PCDH15: variants seen among roughly 807,000 people sequenced by gnomAD.
PCDH15 encodes the protein protocadherin-15.
In PCDH15, 129 loss-of-function variants were observed where a neutral mutation model predicts 178.5. The ratio of observed to expected loss-of-function variants is 0.72; its 90% CI spans 0.63 to 0.84. The LOEUF (loss-of-function observed/expected upper bound fraction) is 0.84, where lower values mean the gene tolerates loss of function less well. PCDH15 is among the 40% of genes least tolerant of loss of function. PCDH15 has a pLI of 0.00. For missense variants in PCDH15, 2,230 were observed against 2,099.9 expected (o/e 1.06, Z -1.21); for synonymous variants, 800 against 732.0 (o/e 1.09, Z -1.50).
intron 1 of PCDH15, among the ~76,000 whole-genome samples, chr10:54,667,205 C>A (rs927451206): frequency 6.6e-6 from 1 of 151,906 alleles, no homozygotes; most frequent in Non-Finnish European, 1.5e-5. Context: ...TCATCTATAT[C>A]TGCCTGATTT....
chr10:54,335,418 A>G (rs1346496015), intron 6 of PCDH15, among the ~76,000 whole-genome samples: 1 of 152,130 alleles, frequency 6.6e-6, no homozygotes, highest in Non-Finnish European at 1.5e-5. Flanking sequence ...CCTTTCTACA[A>G]TTGATATGGT....
intron 2 of PCDH15, among the ~76,000 whole-genome samples, chr10:54,921,371 T>C (rs1181422631): frequency 1.3e-5 from 2 of 152,166 alleles, no homozygotes; most frequent in East Asian, 3.9e-4. Flanking sequence ...ATGTGAAGGT[T>C]TGTTGTATAG....
intron 13 of PCDH15, among the ~76,000 whole-genome samples, chr10:54,164,710 A>G (rs534403514): frequency 2.1e-4 from 32 of 152,344 alleles, no homozygotes; most frequent in Middle Eastern, 3.4e-3. Context: ...TGCACTAGAT[A>G]TTATAGAAGT....
At chr10:54,236,744 T>C in intron 9 of PCDH15, 79 bp downstream of exon 9, 1 of 1,153,188 alleles carries the variant, frequency 8.7e-7, no homozygotes, top group Non-Finnish European at 1.3e-6. Context: ...TTATTTAAAA[T>C]ATTTCCTTGG....
intron 3 of PCDH15, among the ~76,000 whole-genome samples, chr10:54,816,473 T>G (rs1486912767): frequency 6.6e-6 from 1 of 152,034 alleles, no homozygotes; most frequent in African/African-American, 2.4e-5. Flanking sequence ...CCAACATAAA[T>G]CACAATGTCA....
At chr10:54,808,109 A>C (rs924201928) in intron 3 of PCDH15, among the ~76,000 whole-genome samples, 2 of 152,182 alleles carry the variant, frequency 1.3e-5, no homozygotes. Flanking sequence ...AATGAGACAA[A>C]TCACTGATGT....
At chr10:55,087,965 G>A (rs1050218741) in intron 2 of PCDH15, among the ~76,000 whole-genome samples, 11 of 151,856 alleles carry the variant, frequency 7.2e-5, no homozygotes, top group Admixed American at 2.6e-4. Context: ...CCTTACATGT[G>A]CATCATAATT....
In PCDH15 at chr10:53,827,385, C is replaced by CTACT. The variant is rs2076748483; in HGVS notation, c.4367+4_4367+7dup. On this transcript the variant is annotated splice_region_variant and intron_variant, in intron 32 of 37. Coordinates refer to ENST00000644397, the MANE Select transcript of PCDH15 (RefSeq NM_001384140.1). ...CTACTTCTCAGAGTTCCTGAACGGT[C>CTACT]TACTTACATTGAGCTGTCTCCAAGT... 2 of 1,607,936 alleles carry CTACT rather than the reference C, an allele frequency of 1.2e-6. No homozygotes were observed. The highest frequency in any genetic ancestry group is 1.7e-5 in the Admixed American group (1 of 59,234).
chr10:54,184,327 C>G (rs1346353516), intron 12 of PCDH15, among the ~76,000 whole-genome samples: 1 of 152,038 alleles, frequency 6.6e-6, no homozygotes, highest in African/African-American at 2.4e-5. Flanking sequence ...CTTGTGCTTT[C>G]TCTTAGCTCA....
chr10:54,335,016 T>G (rs1940774415), intron 6 of PCDH15, among the ~76,000 whole-genome samples: 1 of 152,160 alleles, frequency 6.6e-6, no homozygotes, highest in Non-Finnish European at 1.5e-5. Context: ...TAGACAGCCT[T>G]AAGCTTGTCT....
chr10:55,379,513 C>T (rs771325565), intron 2 of PCDH15, among the ~76,000 whole-genome samples: 6 of 151,762 alleles, frequency 4.0e-5, no homozygotes, highest in East Asian at 3.9e-4. Flanking sequence ...TTATAGGTCA[C>T]GAATATCAAT....
At chr10:54,160,289 T>C (rs2045578694) in intron 13 of PCDH15, among the ~76,000 whole-genome samples, 1 of 152,168 alleles carries the variant, frequency 6.6e-6, no homozygotes. Context: ...GAATTTTCCA[T>C]TTAATGTTCT....
chr10:54,808,243 A>T (rs530940746), intron 3 of PCDH15, among the ~76,000 whole-genome samples: 3 of 152,202 alleles, frequency 2.0e-5, no homozygotes, highest in Non-Finnish European at 2.9e-5. Flanking sequence ...AAAATAATTT[A>T]TTCTGTCTGT....
intron 2 of PCDH15, among the ~76,000 whole-genome samples, chr10:55,022,602 A>G (rs1162990755): frequency 1.3e-5 from 2 of 151,964 alleles, no homozygotes; most frequent in Non-Finnish European, 2.9e-5. Context: ...AAAACACACA[A>G]TTTTTTCTGT....
intron 1 of PCDH15, among the ~76,000 whole-genome samples, chr10:54,742,154 T>A (rs1944894433): frequency 6.6e-6 from 1 of 152,112 alleles, no homozygotes; most frequent in African/African-American, 2.4e-5. Flanking sequence ...TATGAGGTCA[T>A]TGACTCTTTA....
In PCDH15 at chr10:54,874,594, C is replaced by T. The variant is rs559661781; in HGVS notation, c.-29+22856G>A. Among the ~76,000 whole-genome samples, 32 of 151,582 alleles carry T rather than the reference C, an allele frequency of 2.1e-4. No individual in the cohort carries two copies. The South Asian group carries it at 5.0e-3, about 24-fold the overall frequency. On this transcript the variant is annotated intron_variant, in intron 3 of 5. Transcript: ENST00000458638. ...ATTAAACTAAAGAGCTTCTGCACAG[C>T]GAAAGAAACTACCATCAGAGTTAAC... is the stretch of plus-strand genomic sequence containing the variant.
intron 2 of PCDH15, among the ~76,000 whole-genome samples, chr10:55,126,149 G>C (rs1314766505): frequency 5.3e-5 from 8 of 151,880 alleles, no homozygotes; most frequent in African/African-American, 1.7e-4. Context: ...CTTCATGCTG[G>C]TTCCATGTAT....
intron 2 of PCDH15, among the ~76,000 whole-genome samples, chr10:55,338,006 C>T (rs541511778): frequency 4.2e-4 from 64 of 152,136 alleles, no homozygotes; most frequent in African/African-American, 1.4e-3. Flanking sequence ...GATCTCTAGA[C>T]ATTTATCAAA....
intron 1 of PCDH15, among the ~76,000 whole-genome samples, chr10:54,680,909 G>A (rs1019448878): frequency 2.0e-5 from 3 of 152,154 alleles, no homozygotes; most frequent in African/African-American, 4.8e-5. Flanking sequence ...GAAGGTTGGA[G>A]TAGGGAGAAG....
Sources: gnomAD v4.1 joint callset for allele counts (sites outside exome capture counted in the v4.1 genomes callset) on GRCh38, gnomAD v4.1.1 for gene constraint, MANE v1.5 for transcripts, NCBI Gene and HGNC (gene_info 2026-07-23, HGNC 2026-07-21) for gene names.